The following TTC9B variants were observed in gnomAD, a reference collection of about 807,000 sequenced individuals.
The protein encoded by TTC9B is tetratricopeptide repeat domain 9B.
A neutral mutation model predicts 19.4 loss-of-function variants in TTC9B; 12 were observed. The observed-to-expected ratio is 0.62, with a 90% confidence interval of 0.40 to 1.00. The LOEUF is 1.00. Ranked by LOEUF, TTC9B falls within the 50% of genes least tolerant of loss-of-function variation. The probability of loss-of-function intolerance (pLI) is 0.00; values close to 1 mark genes in which losing one functional copy is unlikely to be tolerated. For missense variants in TTC9B, 316 were observed against 345.2 expected (o/e 0.92, Z 0.67); for synonymous variants, 156 against 158.6 (o/e 0.98, Z 0.12).
chr19:40,217,117 G>C, intron 2 of TTC9B, 70 bp downstream of exon 2: 2 of 1,510,734 alleles, frequency 1.3e-6, no homozygotes, highest in South Asian at 1.2e-5. Context: ...CTTCCTGCCT[G>C]TTCCCTCCGC....
intron 2 of TTC9B, chr19:40,216,925 A>G: frequency 1.7e-6 from 1 of 577,828 alleles, no homozygotes; most frequent in African/African-American, 1.9e-5. Flanking sequence ...AGATGTGGCA[A>G]TGACGGTAGA....
In TTC9B at chr19:40,217,999, C is replaced by T. The variant is rs1400364735; in HGVS notation, c.383G>A (p.Arg128His). 5 of 1,492,002 alleles carry T rather than the reference C, an allele frequency of 3.4e-6. No individual in the cohort carries two copies. Among genetic ancestry groups the T allele is most frequent in the Non-Finnish European group, 3.5e-6 (4 of 1,126,914 alleles). The allele number at this position is 1,492,002 out of a possible 1,614,324, so 92.4% of individuals were successfully genotyped here. A position where few individuals can be genotyped will look rare whatever the true frequency, so the allele number is the denominator to read the frequency against. ...GPARLSEEQR[R>H]LVESTEVECY... is the part of the protein sequence containing the mutation. ...CTCCACCTCCGTGCTCTCCACCAGG[C>T]GCCGCTGCTCCTCGCTGAGGCGCGC... Residue 128 changes from arginine to histidine, a missense_variant, in exon 1 of 3, where the codon CGC becomes CAC. Physicochemically the swap from Arg to His is conservative, Grantham distance 29. Coordinates refer to ENST00000311308, the MANE Select transcript of TTC9B (RefSeq NM_152479.6).
intron 2 of TTC9B, 79 bp from the exon 3 acceptor site, chr19:40,216,351 C>T: frequency 9.3e-7 from 1 of 1,073,286 alleles, no homozygotes; most frequent in Admixed American, 1.8e-5. Flanking sequence ...GCTCACACCC[C>T]ATTCTCCGAA....
chr19:40,217,021 G>A, intron 2 of TTC9B, 166 bp downstream of exon 2: 1 of 690,564 alleles, frequency 1.4e-6, no homozygotes, highest in Non-Finnish European at 2.4e-6. Flanking sequence ...ATGAATGGAT[G>A]AGTGGGCGTG....
chr19:40,218,159 A>T lies in TTC9B; in HGVS notation c.223T>A (p.Cys75Ser). ...TCCCGGAACTTCTTCTCTCGATAGC[A>T]GCGCTGGCCCTCTGCCTTGAACGCC... ...AVAFKAEGQRCYREKKFREAI... is the reference protein window; with the variant it reads ...AVAFKAEGQRSYREKKFREAI... The change falls in exon 1 of 3, where the codon TGC (cysteine) becomes AGC (serine). Residue 75 changes from cysteine to serine, a missense_variant. Coordinates refer to ENST00000311308, the MANE Select transcript of TTC9B (RefSeq NM_152479.6). This position sits in a 1 kb window ranked among gnomAD's most constrained non-coding sequence, Gnocchi z 4.2. 6.4e-7 allele frequency: 1 copy of T among 1,574,614 alleles called. No homozygotes were observed.
rs1321246032 is a variant in TTC9B at position 40,217,306 on chromosome 19, A to C, written c.491T>G (p.Leu164Arg). ...CTTGAAGTTGCCCTGCTGCTTCTCC[A>C]GTACCTTGAGACAGTACTCGCGCAC... ...ERVREYCLKV[L>R]EKQQGNFKAT... Residue 164 changes from leucine to arginine, a missense_variant, in exon 2 of 3, where the codon CTG (leucine) becomes CGG (arginine). Physicochemically the swap from Leu to Arg is moderately radical, Grantham distance 102. Transcript: ENST00000311308. 1 of 1,614,044 alleles carries C rather than the reference A, an allele frequency of 6.2e-7. No homozygotes were observed. The highest frequency in any genetic ancestry group is 8.5e-7 in the Non-Finnish European group (1 of 1,179,942).
intron 2 of TTC9B, chr19:40,216,948 G>T: frequency 1.7e-6 from 1 of 586,308 alleles, no homozygotes; most frequent in Admixed American, 3.0e-5. Context: ...AGAAATGGCC[G>T]GGGAGATGTC....
intron 2 of TTC9B, 157 bp from the exon 3 acceptor site, chr19:40,216,429 G>A: frequency 3.2e-6 from 2 of 621,390 alleles, no homozygotes; most frequent in South Asian, 1.8e-5. Context: ...GTCACAGTCG[G>A]CAGTCCCCAG....
At chr19:40,216,377 C>T in intron 2 of TTC9B, 105 bp from the exon 3 acceptor site, 1 of 788,520 alleles carries the variant, frequency 1.3e-6, no homozygotes, top group Non-Finnish European at 2.1e-6. Flanking sequence ...CAGCAGCTCG[C>T]TCACACAGCC....
Position 40,218,301 on chromosome 19 carries a change from G to A in TTC9B, c.81C>T (p.Ser27=). The A allele has an allele frequency of 3.6e-6, 5 of 1,393,680 alleles. No individual in the cohort carries two copies. The highest frequency in any genetic ancestry group is 4.6e-6 in the Non-Finnish European group (5 of 1,082,840). 86.3% of individuals were successfully genotyped at this position (1,393,680 alleles called of 1,614,324 possible). A position where few individuals can be genotyped will look rare whatever the true frequency, so the allele number is the denominator to read the frequency against. ...EPPPRPPPAL[S]PPGSGPGSGS... is the part of the protein sequence containing the mutation. Reference sequence around the variant, plus strand: ...CCGAGCCTGGGCCCGAGCCCGGTGGGGAGAGGGCGGGAGGCGGGCGCGGCG... The same window carrying A: ...CCGAGCCTGGGCCCGAGCCCGGTGGAGAGAGGGCGGGAGGCGGGCGCGGCG... Residue 27 remains serine, a synonymous_variant, in exon 1 of 3, where the codon TCC becomes TCT. Coordinates refer to ENST00000311308, the MANE Select transcript of TTC9B (RefSeq NM_152479.6). This position sits in a 1 kb window ranked among gnomAD's most constrained non-coding sequence, Gnocchi z 4.2.
In TTC9B at chr19:40,217,281, C is replaced by T. The variant is rs780136747; in HGVS notation, c.516G>A (p.Lys172=). 1 of 1,614,068 alleles carries T rather than the reference C, an allele frequency of 6.2e-7. No individual in the cohort carries two copies. The highest frequency in any genetic ancestry group is 1.1e-5 in the South Asian group (1 of 91,088). The change falls in exon 2 of 3, where the codon AAG becomes AAA. Residue 172 remains lysine (K), a synonymous_variant. Coordinates refer to ENST00000311308, the MANE Select transcript of TTC9B (RefSeq NM_152479.6). ...AGGCAATGCCGGCACGGTAGGTGGC[C>T]TTGAAGTTGCCCTGCTGCTTCTCCA... ...KVLEKQQGNF[K]ATYRAGIAFY... is the part of the protein sequence containing the mutation.
At chr19:40,217,651 TGGCTCAG>T (rs908516172) in intron 1 of TTC9B, 5 of 521,224 alleles carry the variant, frequency 9.6e-6, no homozygotes, top group African/African-American at 7.8e-5. Context: ...CTCGAGAGCC[TGGCTCAG>T]GGCAGACTTC....
At chr19:40,217,030 T>G (rs887645428) in intron 2 of TTC9B, 157 bp downstream of exon 2, 6 of 730,960 alleles carry the variant, frequency 8.2e-6, no homozygotes, top group Non-Finnish European at 8.8e-6. Context: ...TGAGTGGGCG[T>G]GTAGGGAGTA....
rs969310720 is a variant in TTC9B at position 40,218,316 on chromosome 19, C to T, written c.66G>A (p.Pro22=). ...LSAAPEPPPR[P]PPALSPPGSG... Reference sequence around the variant, plus strand: ...AGCCCGGTGGGGAGAGGGCGGGAGGCGGGCGCGGCGGAGGCTCCGGGGCAG... The same window carrying T: ...AGCCCGGTGGGGAGAGGGCGGGAGGTGGGCGCGGCGGAGGCTCCGGGGCAG... Residue 22 remains proline, a synonymous_variant, in exon 1 of 3, where the codon CCG becomes CCA. Coordinates refer to ENST00000311308, the MANE Select transcript of TTC9B (RefSeq NM_152479.6). The surrounding 1 kb of genome is among the most constrained non-coding windows in gnomAD (Gnocchi z 4.2). 60 of 1,368,486 alleles carry T rather than the reference C, an allele frequency of 4.4e-5. No individual in the cohort carries two copies. Among genetic ancestry groups the T allele is most frequent in the Non-Finnish European group, 5.4e-5 (58 of 1,069,548 alleles). The allele number at this position is 1,368,486 out of a possible 1,614,324, so 84.8% of individuals were successfully genotyped here. A position where few individuals can be genotyped will look rare whatever the true frequency, so the allele number is the denominator to read the frequency against.
chr19:40,217,344 T>C lies in TTC9B; in HGVS notation c.453A>G (p.Val151=). 6.2e-7 allele frequency: 1 copy of C among 1,613,488 alleles called. No individual in the cohort carries two copies. The highest frequency in any genetic ancestry group is 8.5e-7 in the Non-Finnish European group (1 of 1,179,652). Residue 151 remains valine (V), a synonymous_variant, in exon 2 of 3, where the codon GTA becomes GTG. Transcript: ENST00000311308. The part of the protein sequence containing the change: ...LTACLLQSEL[V]NYERVREYCL... ...AGTACTCGCGCACGCGCTCGTAGTT[T>C]ACCAGCTCCGACTGCAGCAGGCAAG...
rs1266019894 is a variant in TTC9B at position 40,218,309 on chromosome 19, C to A, written c.73G>T (p.Ala25Ser). ...GGGCCCGAGCCCGGTGGGGAGAGGG[C>A]GGGAGGCGGGCGCGGCGGAGGCTCC... is the stretch of plus-strand genomic sequence containing the variant. Reference protein sequence around the residue: ...APEPPPRPPPALSPPGSGPGS... With the variant: ...APEPPPRPPPSLSPPGSGPGS... Residue 25 changes from alanine (A) to serine (S), a missense_variant, in exon 1 of 3, where the codon GCC (alanine) becomes TCC (serine). Physicochemically the swap from Ala to Ser is moderately conservative, Grantham distance 99. Transcript: ENST00000311308. This position sits in a 1 kb window ranked among gnomAD's most constrained non-coding sequence, Gnocchi z 4.2. The A allele has an allele frequency of 4.4e-6, 6 of 1,376,372 alleles. No individual in the cohort carries two copies. Among genetic ancestry groups the A allele is most frequent in the Non-Finnish European group, 5.6e-6 (6 of 1,073,722 alleles). 85.3% of individuals were successfully genotyped at this position (1,376,372 alleles called of 1,614,324 possible). A position where few individuals can be genotyped will look rare whatever the true frequency, so the allele number is the denominator to read the frequency against.
chr19:40,216,308 C>T, intron 2 of TTC9B, 36 bp from the exon 3 acceptor site: 1 of 1,567,702 alleles, frequency 6.4e-7, no homozygotes, highest in Non-Finnish European at 8.8e-7. Flanking sequence ...ATCTGGGTGT[C>T]CCGGGGCAGC....
rs1358720136 is a variant in TTC9B at position 40,216,131 on chromosome 19, G to A, written c.*32C>T. 6.4e-7 allele frequency: 1 copy of A among 1,561,548 alleles called. No homozygotes were observed. Among genetic ancestry groups the A allele is most frequent in the East Asian group, 2.2e-5 (1 of 44,626 alleles). On this transcript the variant is annotated 3_prime_UTR_variant, in exon 3 of 3. Coordinates refer to ENST00000311308, the MANE Select transcript of TTC9B (RefSeq NM_152479.6). ...GGAAGTTACATGGTGAGGTGGGAGG[G>A]CGAGGGATAGAGAGGTCCCCCTGGA... is the stretch of plus-strand genomic sequence containing the variant.
At position 40,218,068 on chromosome 19, in the gene TTC9B, C is replaced by A; in HGVS notation, c.314G>T (p.Gly105Val). The A allele has an allele frequency of 6.5e-7, 1 of 1,535,786 alleles. No individual in the cohort carries two copies. The highest frequency in any genetic ancestry group is 8.7e-7 in the Non-Finnish European group (1 of 1,147,432). The change falls in exon 1 of 3, where the codon GGC becomes GTC. Residue 105 changes from glycine to valine, a missense_variant. Coordinates refer to ENST00000311308, the MANE Select transcript of TTC9B (RefSeq NM_152479.6). This position sits in a 1 kb window ranked among gnomAD's most constrained non-coding sequence, Gnocchi z 4.2. ...LKAAQGARPSGLPAPAPGPTS... is the reference protein window; with the variant it reads ...LKAAQGARPSVLPAPAPGPTS... ...GGGCCCGGGGGCGGGGGCGGGCAGG[C>A]CGCTAGGGCGGGCCCCCTGCGCCGC...
Sources: gnomAD v4.1 joint callset for allele counts on GRCh38, gnomAD v4.1.1 for gene constraint, Gnocchi (gnomAD v3.1) non-coding constraint, MANE v1.5 for transcripts, NCBI Gene and HGNC (gene_info 2026-07-23, HGNC 2026-07-21) for gene names.